PID1: variants seen among roughly 807,000 people sequenced by gnomAD.
PID1 encodes the protein phosphotyrosine interaction domain containing 1.
A neutral mutation model predicts 19.1 loss-of-function variants in PID1; 10 were observed. The ratio of observed to expected loss-of-function variants is 0.52; its 90% CI spans 0.32 to 0.89. The LOEUF is 0.89. Ranked by LOEUF, PID1 falls within the 40% of genes least tolerant of loss-of-function variation. The pLI, the probability that PID1 is intolerant of heterozygous loss-of-function variation, is 0.03. For missense variants in PID1, 248 were observed against 285.3 expected (o/e 0.87, Z 0.94); for synonymous variants, 130 against 116.0 (o/e 1.12, Z -0.78).
intron 1 of PID1, among the ~76,000 whole-genome samples, chr2:229,166,713 T>C (rs767978016): frequency 6.6e-6 from 1 of 152,116 alleles, no homozygotes; most frequent in South Asian, 2.1e-4. Context: ...GTCCTTCTCC[T>C]TGGATAAATG....
At chr2:229,027,893 G>A (rs1574565458) in intron 2 of PID1, among the ~76,000 whole-genome samples, 4 of 151,968 alleles carry the variant, frequency 2.6e-5, no homozygotes, top group South Asian at 2.1e-4. Flanking sequence ...TCGGGGCGTC[G>A]TTGCTCCTCT....
intron 1 of PID1, among the ~76,000 whole-genome samples, chr2:229,170,267 T>G (rs1346931683): frequency 3.9e-5 from 6 of 152,142 alleles, no homozygotes; most frequent in African/African-American, 1.4e-4. Context: ...AAAGATATCT[T>G]TCTCATCAAC....
At chr2:229,106,605 A>AC (rs1327590356) in intron 2 of PID1, among the ~76,000 whole-genome samples, 4 of 152,208 alleles carry the variant, frequency 2.6e-5, no homozygotes, top group African/African-American at 9.6e-5. Flanking sequence ...CACCCCCTCC[A>AC]CCATGTGAGG....
chr2:229,189,064 A>G (rs1275849980), intron 1 of PID1, among the ~76,000 whole-genome samples: 1 of 152,206 alleles, frequency 6.6e-6, no homozygotes, highest in East Asian at 1.9e-4. Flanking sequence ...CATGAGAAGA[A>G]CTCGTGAAGT....
At chr2:229,145,182 T>C (rs1421344005) in intron 2 of PID1, among the ~76,000 whole-genome samples, 3 of 144,968 alleles carry the variant, frequency 2.1e-5, no homozygotes, top group Non-Finnish European at 4.5e-5. Context: ...TATATATATA[T>C]ATATATAAAC....
chr2:229,084,809 C>G (rs942800858), intron 2 of PID1, among the ~76,000 whole-genome samples: 8 of 152,186 alleles, frequency 5.3e-5, no homozygotes, highest in Non-Finnish European at 1.2e-4. Flanking sequence ...CATTCACTCT[C>G]TAGTCACTTG....
intron 2 of PID1, among the ~76,000 whole-genome samples, chr2:229,102,192 C>T (rs1695086451): frequency 6.6e-6 from 1 of 152,066 alleles, no homozygotes; most frequent in Non-Finnish European, 1.5e-5. Flanking sequence ...GAGACCCATC[C>T]TAAACTTCTC....
intron 1 of PID1, among the ~76,000 whole-genome samples, chr2:229,225,421 C>T (rs1052184099): frequency 6.6e-6 from 1 of 152,018 alleles, no homozygotes; most frequent in Non-Finnish European, 1.5e-5. Flanking sequence ...AGGTGCCAGA[C>T]AATAGGAGAC....
At chr2:229,224,667 T>C (rs960596684) in intron 1 of PID1, among the ~76,000 whole-genome samples, 42 of 152,240 alleles carry the variant, frequency 2.8e-4, no homozygotes, top group African/African-American at 9.9e-4. Context: ...AAAATAGCGA[T>C]CCATAAGGTA....
Position 229,207,223 on chromosome 2 carries a change from C to T in PID1, c.31-51259G>A, listed in dbSNP as rs1691628577. On this transcript the variant is annotated intron_variant, in intron 1 of 2. Coordinates refer to ENST00000392055, the MANE Select transcript of PID1 (RefSeq NM_001100818.2). ...ATGCAAAAATCTAGACAAATACTTG[C>T]ATAACATTGGTGTAGGGGCAAAGCA... is the stretch of plus-strand genomic sequence containing the variant. 3.3e-5 allele frequency among the ~76,000 whole-genome samples: 5 copies of T among 151,980 alleles called. No individual in the cohort carries two copies. The South Asian group carries it at 1.0e-3, about 32-fold the overall frequency.
intron 2 of PID1, among the ~76,000 whole-genome samples, chr2:229,129,071 T>C (rs988322849): frequency 1.3e-5 from 2 of 152,096 alleles, no homozygotes; most frequent in Non-Finnish European, 2.9e-5. Context: ...GATAAATAAA[T>C]TGAGGCTTAG....
intron 1 of PID1, among the ~76,000 whole-genome samples, chr2:229,208,933 C>T (rs1559285911): frequency 6.6e-6 from 1 of 152,112 alleles, no homozygotes; most frequent in Non-Finnish European, 1.5e-5. Flanking sequence ...TGATACTTGG[C>T]TTTCATGGCT....
At chr2:229,036,278 C>A (rs1693661359) in intron 2 of PID1, among the ~76,000 whole-genome samples, 2 of 152,184 alleles carry the variant, frequency 1.3e-5, no homozygotes, top group African/African-American at 4.8e-5. Flanking sequence ...TTTATGGTTG[C>A]AATGGCTCCA....
intron 2 of PID1, among the ~76,000 whole-genome samples, chr2:229,029,088 C>T (rs993562735): frequency 2.0e-5 from 3 of 151,612 alleles, no homozygotes; most frequent in South Asian, 2.1e-4. Flanking sequence ...GGGAGGGTTG[C>T]GGGGGTGAGG....
intron 2 of PID1, among the ~76,000 whole-genome samples, chr2:229,138,757 C>G (rs1321146638): frequency 6.6e-6 from 1 of 151,766 alleles, no homozygotes; most frequent in African/African-American, 2.4e-5. Flanking sequence ...TATTTCACTT[C>G]CTGGACCGAA....
At chr2:229,107,452 T>G (rs1695199650) in intron 2 of PID1, among the ~76,000 whole-genome samples, 1 of 151,496 alleles carries the variant, frequency 6.6e-6, no homozygotes, top group Non-Finnish European at 1.5e-5. Context: ...TCAGTAGAAT[T>G]TTCTTAAAGA....
intron 2 of PID1, among the ~76,000 whole-genome samples, chr2:229,068,761 A>G (rs1329825760): frequency 6.6e-6 from 1 of 152,166 alleles, no homozygotes; most frequent in Non-Finnish European, 1.5e-5. Flanking sequence ...TCTCCTCACA[A>G]CTGTGTATGT....
chr2:229,079,274 A>G (rs187650903), intron 2 of PID1, among the ~76,000 whole-genome samples: 64 of 152,270 alleles, frequency 4.2e-4, no homozygotes, highest in Middle Eastern at 3.4e-3. Flanking sequence ...ATTTGCCATG[A>G]CTGCTATATG....
intron 1 of PID1, among the ~76,000 whole-genome samples, chr2:229,225,877 G>T (rs182758703): frequency 1.3e-5 from 2 of 152,244 alleles, no homozygotes; most frequent in East Asian, 1.9e-4. Context: ...GAGGTAACCA[G>T]CCCCATGATT....
Sources: gnomAD v4.1 joint callset for allele counts (sites outside exome capture counted in the v4.1 genomes callset) on GRCh38, gnomAD v4.1.1 for gene constraint, MANE v1.5 for transcripts, NCBI Gene and HGNC (gene_info 2026-07-23, HGNC 2026-07-21) for gene names.